The following WDR20 variants were observed in gnomAD, a reference collection of about 807,000 sequenced individuals.
WDR20 encodes the protein WD repeat domain 20, also known as WD repeat-containing protein 20.
A neutral mutation model predicts 38.7 loss-of-function variants in WDR20; 3 were observed. The observed-to-expected ratio is 0.08, with a 90% CI of 0.04 to 0.20. The LOEUF is 0.20. WDR20 is among the 10% of genes least tolerant of loss of function. The pLI, the probability that WDR20 is intolerant of heterozygous loss-of-function variation, is 1.00. For missense variants in WDR20, 559 were observed against 727.7 expected (o/e 0.77, Z 2.67); for synonymous variants, 298 against 285.6 (o/e 1.04, Z -0.44).
downstream of WDR20, chr14:102,213,969 G>C (rs925371083): frequency 2.0e-6 from 2 of 985,466 alleles, no homozygotes; most frequent in East Asian, 2.3e-4. Context: ...GGAACACAGC[G>C]TCTGGCGTCC....
At position 102,209,389 on chromosome 14, in the gene WDR20, A is replaced by G. The variant is rs374197765; in HGVS notation, c.1219A>G (p.Thr407Ala). The G allele has an allele frequency of 3.1e-6, 5 of 1,614,048 alleles. No individual in the cohort carries two copies. The Admixed American group carries it at 8.3e-5, about 27-fold the overall frequency. ...ARTHTNVMNA[T>A]SPPAGSNGNS... ...GACACACACAAATGTCATGAATGCC[A>G]CGAGTCCTCCTGCTGGAAGCAATGG... Residue 407 changes from threonine (T) to alanine (A), a missense_variant, in exon 3 of 3, where the codon ACG (threonine) becomes GCG (alanine). Coordinates refer to ENST00000342702, the MANE Select transcript of WDR20 (RefSeq NM_144574.4). This position sits in a 1 kb window ranked among gnomAD's most constrained non-coding sequence, Gnocchi z 6.0.
chr14:102,217,385 C>T (rs1302926649), downstream of WDR20, among the ~76,000 whole-genome samples: 2 of 152,226 alleles, frequency 1.3e-5, no homozygotes, highest in South Asian at 2.1e-4. Flanking sequence ...TCTGCGTGGT[C>T]TTTCCCCGGA....
At chr14:102,151,521 A>G (rs537538156) in intron 1 of WDR20, among the ~76,000 whole-genome samples, 1 of 151,548 alleles carries the variant, frequency 6.6e-6, no homozygotes, top group South Asian at 2.1e-4. Flanking sequence ...TTAGCCTCCC[A>G]TGTAGCTGGG....
At chr14:102,156,556 ATT>A (rs937733336) in intron 1 of WDR20, among the ~76,000 whole-genome samples, 1 of 146,452 alleles carries the variant, frequency 6.8e-6, no homozygotes, top group African/African-American at 2.5e-5. Flanking sequence ...TTAATGTAGA[ATT>A]TTTTTTTTTT....
downstream of WDR20, chr14:102,214,176 T>G (rs1391825375): frequency 2.0e-6 from 2 of 985,590 alleles, no homozygotes; most frequent in Non-Finnish European, 1.2e-6. Context: ...TGGAGACGCC[T>G]CCTCCGGTCT....
Position 102,208,731 on chromosome 14 carries a change from C to G in WDR20, c.561C>G (p.Ala187=). 1 of 1,614,198 alleles carries G rather than the reference C, an allele frequency of 6.2e-7. No homozygotes were observed. The highest frequency in any genetic ancestry group is 8.5e-7 in the Non-Finnish European group (1 of 1,180,044). The part of the protein sequence containing the change: ...YNVEHTCGTT[A]PHYQLLKQGE... ...TGGAGCACACTTGTGGCACCACAGC[C>G]CCCCACTACCAGCTTCTGAAGCAGG... The change falls in exon 3 of 3, where the codon GCC becomes GCG. Residue 187 remains alanine (A), a synonymous_variant. Transcript: ENST00000342702. This position sits in a 1 kb window ranked among gnomAD's most constrained non-coding sequence, Gnocchi z 5.6.
intron 1 of WDR20, among the ~76,000 whole-genome samples, chr14:102,151,451 A>G (rs1201131575): frequency 6.6e-6 from 1 of 152,058 alleles, no homozygotes; most frequent in Non-Finnish European, 1.5e-5. Context: ...GCTGGAGTGC[A>G]GTGGCTCAAT....
rs541028212 is a variant in WDR20, at chr14:102,173,916, C to T, written c.250-21022C>T. On this transcript the variant is annotated intron_variant, in intron 1 of 2. Transcript: ENST00000342702. ...AAAATTAGCTGGGCGTGGTGGCGGG[C>T]GCCTGTAGTCTCAGCTACTCGGGAG... is the stretch of plus-strand genomic sequence containing the variant. 2.0e-4 allele frequency among the ~76,000 whole-genome samples: 30 copies of T among 151,902 alleles called. 1 individual carries two copies. In the East Asian group the frequency reaches 5.8e-3, roughly 30 times the overall value.
downstream of WDR20, chr14:102,213,352 G>A (rs1281113346): frequency 2.0e-6 from 2 of 985,318 alleles, no homozygotes; most frequent in African/African-American, 1.7e-5. Context: ...AGTAGCCTTG[G>A]GGTCGAAATT....
rs956882273 is a variant in WDR20 at position 102,209,524 on chromosome 14, G to A, written c.1354G>A (p.Gly452Arg). 5.6e-6 allele frequency: 9 copies of A among 1,614,040 alleles called. No homozygotes were observed. Among genetic ancestry groups the A allele is most frequent in the Non-Finnish European group, 7.6e-6 (9 of 1,180,044 alleles). ...NAGSKSSVMD[G>R]AIASGVSKFA... ...TGGCAGCAAAAGCAGTGTCATGGACGGGGCCATTGCTTCTGGGGTCAGCAA... is the reference window on the plus strand; with the variant it reads ...TGGCAGCAAAAGCAGTGTCATGGACAGGGCCATTGCTTCTGGGGTCAGCAA... Residue 452 changes from glycine to arginine, a missense_variant, in exon 3 of 3, where the codon GGG becomes AGG. Transcript: ENST00000342702. This position sits in a 1 kb window ranked among gnomAD's most constrained non-coding sequence, Gnocchi z 6.0.
chr14:102,202,584 A>G (rs528629991), intron 2 of WDR20, among the ~76,000 whole-genome samples: 17,635 of 151,082 alleles, frequency 0.12, 1,750 homozygotes, highest in African/African-American at 0.27. Context: ...GTTTCACCAT[A>G]TTGGCCAGGA....
intron 1 of WDR20, among the ~76,000 whole-genome samples, chr14:102,140,477 C>T (rs1487275893): frequency 6.6e-6 from 1 of 152,054 alleles, no homozygotes; most frequent in Non-Finnish European, 1.5e-5. Context: ...CTGACATGGC[C>T]AGGGAGCGGG....
intron 1 of WDR20, among the ~76,000 whole-genome samples, chr14:102,146,834 T>C (rs941776852): frequency 6.6e-6 from 1 of 152,226 alleles, no homozygotes; most frequent in Non-Finnish European, 1.5e-5. Flanking sequence ...TTTTATAATT[T>C]AGAAAGAGGT....
chr14:102,153,187 G>A (rs2056493758), intron 1 of WDR20, among the ~76,000 whole-genome samples: 1 of 151,934 alleles, frequency 6.6e-6, no homozygotes, highest in Non-Finnish European at 1.5e-5. Context: ...TGAAGTGCCT[G>A]CCCCCCCTTC....
intron 2 of WDR20, among the ~76,000 whole-genome samples, chr14:102,204,735 A>G (rs140145397): frequency 2.6e-5 from 4 of 152,354 alleles, no homozygotes; most frequent in East Asian, 1.9e-4. Flanking sequence ...ATAAATGTAT[A>G]TATCTTTTGG....
chr14:102,184,781 T>C (rs1424954329), intron 1 of WDR20, among the ~76,000 whole-genome samples: 15 of 152,200 alleles, frequency 9.9e-5, no homozygotes, highest in Non-Finnish European at 1.5e-5. Flanking sequence ...GTTTGACTTA[T>C]TGTCTTGCCT....
rs180998256 is a variant in WDR20, at chr14:102,151,652, A to T, written c.249+11480A>T. Among the ~76,000 whole-genome samples the T allele has an allele frequency of 4.6e-5, 7 of 152,040 alleles. No homozygotes were observed. In the East Asian group the frequency reaches 9.7e-4, roughly 21 times the overall value. On this transcript the variant is annotated intron_variant, in intron 1 of 2. Coordinates refer to ENST00000342702, the MANE Select transcript of WDR20 (RefSeq NM_144574.4). ...GATCTTCCTTCCTTGGCCTCCCAAA[A>T]TGTTGGGATTATAGGCATGAACCAC...
At chr14:102,215,181 G>A (rs1003764544), downstream of WDR20, among the ~76,000 whole-genome samples, 2 of 152,332 alleles carry the variant, frequency 1.3e-5, no homozygotes, top group African/African-American at 2.4e-5. Flanking sequence ...AGTTGGCAGC[G>A]TACTCGATGA....
At chr14:102,193,767 G>A (rs1369662039) in intron 1 of WDR20, among the ~76,000 whole-genome samples, 2 of 152,198 alleles carry the variant, frequency 1.3e-5, no homozygotes, top group Non-Finnish European at 2.9e-5. Flanking sequence ...ACCTGAGGGG[G>A]CGGTCAGTAG....
Sources: allele counts gnomAD v4.1 joint callset (sites outside exome capture counted in the v4.1 genomes callset), GRCh38; gene constraint gnomAD v4.1.1; non-coding constraint Gnocchi (gnomAD v3.1); transcripts MANE v1.5; gene names NCBI Gene and HGNC (gene_info 2026-07-23, HGNC 2026-07-21).